The following CNGA1 variants were observed in gnomAD, a reference collection of about 807,000 sequenced individuals.
CNGA1 encodes cyclic nucleotide-gated channel alpha-1.
Under a neutral mutation model 69.7 loss-of-function variants are expected in CNGA1, and 53 were observed. The observed-to-expected ratio is 0.76, with a 90% confidence interval of 0.61 to 0.96. The LOEUF is 0.96. Among genes scored for constraint, CNGA1 ranks in the 40% least tolerant of loss-of-function variants. The pLI is 0.00. For missense variants in CNGA1, 739 were observed against 811.2 expected (o/e 0.91, Z 1.08); for synonymous variants, 249 against 283.5 (o/e 0.88, Z 1.22).
At chr4:48,011,796 C>A (rs1037865005) in intron 1 of CNGA1, among the ~76,000 whole-genome samples, 2 of 152,110 alleles carry the variant, frequency 1.3e-5, no homozygotes, top group Non-Finnish European at 2.9e-5. Flanking sequence ...TTCTGGTTGA[C>A]AATTGGTTGA....
Position 47,951,345 on chromosome 4 carries a change from C to T in CNGA1, c.224+8G>A. 1 of 1,545,826 alleles carries T rather than the reference C, an allele frequency of 6.5e-7. No individual in the cohort carries two copies. Among genetic ancestry groups the T allele is most frequent in the East Asian group, 2.2e-5 (1 of 44,496 alleles). On this transcript the variant is annotated splice_region_variant and intron_variant, in intron 5 of 10. Coordinates refer to ENST00000514170, the MANE Select transcript of CNGA1 (RefSeq NM_001379270.1). ...AACAAGCACCAAGGGATGGATCATACTGCTCACCTCTGTGATGGTCCTCCC... is the reference window on the plus strand; with the variant it reads ...AACAAGCACCAAGGGATGGATCATATTGCTCACCTCTGTGATGGTCCTCCC...
At chr4:47,979,355 G>T (rs573177559) in intron 3 of CNGA1, among the ~76,000 whole-genome samples, 2 of 151,460 alleles carry the variant, frequency 1.3e-5, no homozygotes, top group South Asian at 4.2e-4. Flanking sequence ...TGGCACAAGG[G>T]TTGTCTGCTC....
At chr4:47,959,570 A>G (rs73244451) in intron 3 of CNGA1, among the ~76,000 whole-genome samples, 7,623 of 152,306 alleles carry the variant, frequency 0.05, 437 homozygotes, top group East Asian at 0.31. Context: ...TGGGGTAGGC[A>G]AAGTTTCTTA....
At chr4:47,937,924 A>G (rs1738779238) in intron 10 of CNGA1, 95 bp from the exon 11 acceptor site, 3 of 882,610 alleles carry the variant, frequency 3.4e-6, no homozygotes, top group African/African-American at 1.7e-5. Flanking sequence ...TGAGGTCAAC[A>G]GAAAAATTCA....
chr4:47,989,097 T>A (rs1357948969), intron 2 of CNGA1, among the ~76,000 whole-genome samples: 2 of 152,170 alleles, frequency 1.3e-5, no homozygotes, highest in East Asian at 3.8e-4. Context: ...TTAGACAAAC[T>A]TTGGTTAAAA....
intron 3 of CNGA1, among the ~76,000 whole-genome samples, chr4:47,962,380 T>TA (rs1740495326): frequency 6.6e-6 from 1 of 151,336 alleles, no homozygotes; most frequent in Non-Finnish European, 1.5e-5. Context: ...GTTGGAATAA[T>TA]ATGTTGGAAG....
chr4:47,971,175 T>C, intron 3 of CNGA1: 1 of 382,218 alleles, frequency 2.6e-6, no homozygotes, highest in Non-Finnish European at 5.0e-6. Context: ...TATTTGTGTG[T>C]GTGTGTGTGT....
intron 3 of CNGA1, among the ~76,000 whole-genome samples, chr4:47,959,479 A>G (rs547233930): frequency 6.6e-6 from 1 of 152,326 alleles, no homozygotes; most frequent in East Asian, 1.9e-4. Flanking sequence ...AAATTAATTC[A>G]ATATGGATCA....
chr4:47,998,572 C>T (rs762723596), intron 2 of CNGA1, among the ~76,000 whole-genome samples: 9 of 151,952 alleles, frequency 5.9e-5, no homozygotes, highest in South Asian at 2.1e-4. Context: ...GTCAAGAGTT[C>T]GAGACCAGCC....
rs558883235 is a variant in CNGA1, at chr4:47,936,348, A to G, written c.*73T>C. The G allele has an allele frequency of 1.3e-5, 20 of 1,542,296 alleles. No homozygotes were observed. The highest frequency in any genetic ancestry group is 3.4e-4 in the Middle Eastern group (2 of 5,872). On this transcript the variant is annotated 3_prime_UTR_variant, in exon 11 of 11. Coordinates refer to ENST00000514170, the MANE Select transcript of CNGA1 (RefSeq NM_001379270.1). ...CAACTGAGTCTTCCTCTTCTTTTAA[A>G]TTTTAGTTGATGTCAGTCATAGGAT...
chr4:47,978,431 C>T (rs1193707471), intron 3 of CNGA1, among the ~76,000 whole-genome samples: 3 of 151,970 alleles, frequency 2.0e-5, no homozygotes, highest in Non-Finnish European at 4.4e-5. Context: ...ATTAAATGTA[C>T]TCTATGTATT....
At chr4:48,001,655 G>A (rs554969247) in intron 2 of CNGA1, among the ~76,000 whole-genome samples, 2 of 152,024 alleles carry the variant, frequency 1.3e-5, no homozygotes, top group Non-Finnish European at 2.9e-5. Context: ...TTAAAAATTG[G>A]CAATAAACTA....
chr4:47,994,536 C>A (rs1252069660), intron 2 of CNGA1, among the ~76,000 whole-genome samples: 1 of 152,030 alleles, frequency 6.6e-6, no homozygotes, highest in Non-Finnish European at 1.5e-5. Flanking sequence ...TTTTTCCACC[C>A]CTTTATCTTA....
chr4:47,941,251 A>C (rs1482876279), intron 9 of CNGA1, among the ~76,000 whole-genome samples: 1 of 152,242 alleles, frequency 6.6e-6, no homozygotes, highest in Non-Finnish European at 1.5e-5. Flanking sequence ...TGACTTAATC[A>C]CACTATATGC....
rs368888346 is a variant in CNGA1 at position 48,003,974 on chromosome 4, G to A, written c.-123+6820C>T. 3.0e-3 allele frequency among the ~76,000 whole-genome samples: 423 copies of A among 142,858 alleles called. 2 individuals carry two copies. Among genetic ancestry groups the A allele is most frequent in the Middle Eastern group, 0.014 (4 of 282 alleles). 93.7% of individuals were successfully genotyped at this position (142,858 alleles called of 152,430 possible). ...GGCCTGACATTAGTCAGGCCCGCCCGCAGTTATCCAGAGGCCTAACCATCT... is the reference window on the plus strand; with the variant it reads ...GGCCTGACATTAGTCAGGCCCGCCCACAGTTATCCAGAGGCCTAACCATCT... On this transcript the variant is annotated intron_variant, in intron 2 of 10. Coordinates refer to ENST00000514170, the MANE Select transcript of CNGA1 (RefSeq NM_001379270.1).
chr4:47,970,406 T>G (rs1221211091), intron 3 of CNGA1, among the ~76,000 whole-genome samples: 3 of 152,020 alleles, frequency 2.0e-5, no homozygotes, highest in Non-Finnish European at 4.4e-5. Context: ...ATCCCAGCAC[T>G]TTGGGAGACT....
At chr4:47,961,462 G>A (rs1253843510) in intron 3 of CNGA1, among the ~76,000 whole-genome samples, 1 of 152,200 alleles carries the variant, frequency 6.6e-6, no homozygotes, top group Non-Finnish European at 1.5e-5. Flanking sequence ...TGCTGTCCAG[G>A]CCAAGTGCCA....
At position 48,016,633 on chromosome 4, in the gene CNGA1, G is replaced by T. The variant is rs968926901; in HGVS notation, c.-373C>A. The T allele has an allele frequency of 7.3e-6, 4 of 548,540 alleles. No individual in the cohort carries two copies. The highest frequency in any genetic ancestry group is 2.3e-5 in the South Asian group (1 of 43,216). 34.0% of individuals were successfully genotyped at this position (548,540 alleles called of 1,614,324 possible). A position where few individuals can be genotyped will look rare whatever the true frequency, so the allele number is the denominator to read the frequency against. On this transcript the variant is annotated 5_prime_UTR_variant, in exon 1 of 11. Transcript: ENST00000514170. ...ACAGGCCGCTCCCAGGCCTGCGGGGGCCCTGAGAATTCGCAACAAGCCCCG... is the reference window on the plus strand; with the variant it reads ...ACAGGCCGCTCCCAGGCCTGCGGGGTCCCTGAGAATTCGCAACAAGCCCCG...
intron 6 of CNGA1, among the ~76,000 whole-genome samples, chr4:47,946,826 C>T (rs1739424784): frequency 6.6e-6 from 1 of 151,892 alleles, no homozygotes; most frequent in African/African-American, 2.4e-5. Context: ...GCTCTGTCAC[C>T]CAGGCAGGAG....
Sources: allele counts gnomAD v4.1 joint callset (sites outside exome capture counted in the v4.1 genomes callset), GRCh38; gene constraint gnomAD v4.1.1; transcripts MANE v1.5; gene names NCBI Gene and HGNC (gene_info 2026-07-23, HGNC 2026-07-21).